ITM2B: variants seen among roughly 807,000 people sequenced by gnomAD.
ITM2B encodes the protein ABri/ADan amyloid peptide.
ITM2B carries 11 observed loss-of-function variants against 27.8 expected under a neutral mutation model. The ratio of observed to expected loss-of-function variants is 0.40; its 90% confidence interval spans 0.25 to 0.66. The LOEUF is 0.66. Ranked by LOEUF, ITM2B falls within the 30% of genes least tolerant of loss-of-function variation. The pLI, the probability that ITM2B is intolerant of heterozygous loss-of-function variation, is 0.43. For synonymous variants in ITM2B, 114 were observed against 114.3 expected, an observed-to-expected ratio of 1.00 and a Z score of 0.02; for missense variants, 296 against 328.9, an observed-to-expected ratio of 0.90 and a Z score of 0.77.
intron 1 of ITM2B, among the ~76,000 whole-genome samples, chr13:48,241,779 G>T (rs1434414547): frequency 6.6e-6 from 1 of 152,098 alleles, no homozygotes; most frequent in African/African-American, 2.4e-5. Flanking sequence ...GTTGTGATAT[G>T]GTGCTTAGCT....
chr13:48,268,308 T>TTA lies in ITM2B; in HGVS notation c.*7085_*7086insAT, dbSNP rs1310768464. The TTA allele has an allele frequency of 4.0e-5, 6 of 148,756 alleles. No individual in the cohort carries two copies. Among genetic ancestry groups the TTA allele is most frequent in the African/African-American group, 1.5e-4 (6 of 40,996 alleles). The allele number at this position is 148,756 out of a possible 1,614,324, so 9.2% of individuals were successfully genotyped here. On this transcript the variant is annotated 3_prime_UTR_variant, in exon 6 of 6. Coordinates refer to ENST00000647800, the MANE Select transcript of ITM2B (RefSeq NM_021999.5). ...TGTGCTTTTTAAATTTATTTTTTAT[T>TTA]TTTTTTTTTTTGAGACAGAGTCTGG...
At position 48,267,631 on chromosome 13, in the gene ITM2B, T is replaced by TG; in HGVS notation, c.*6407_*6408insG. ...AATGAGCCAGAAATGTTTCTTCAGCTTTTGTAAAGTGCTGTTAAAAGCATT... is the reference window on the plus strand; with the variant it reads ...AATGAGCCAGAAATGTTTCTTCAGCTGTTTGTAAAGTGCTGTTAAAAGCATT... On this transcript the variant is annotated 3_prime_UTR_variant, in exon 6 of 6. Coordinates refer to ENST00000647800, the MANE Select transcript of ITM2B (RefSeq NM_021999.5). 1 of 152,252 alleles carries TG rather than the reference T, an allele frequency of 6.6e-6. No individual in the cohort carries two copies. Among genetic ancestry groups the TG allele is most frequent in the East Asian group, 1.9e-4 (1 of 5,202 alleles). 9.4% of individuals were successfully genotyped at this position (152,252 alleles called of 1,614,324 possible).
intron 1 of ITM2B, among the ~76,000 whole-genome samples, chr13:48,248,133 A>G (rs1229392574): frequency 1.3e-5 from 2 of 152,126 alleles, no homozygotes; most frequent in Non-Finnish European, 2.9e-5. Flanking sequence ...CAAAATACAG[A>G]GAACCTGAAG....
chr13:48,237,315 A>G (rs1021975663), intron 1 of ITM2B, among the ~76,000 whole-genome samples: 6 of 152,198 alleles, frequency 3.9e-5, no homozygotes, highest in East Asian at 1.9e-4. Flanking sequence ...TTGGTTCTCC[A>G]TGAGGATATT....
chr13:48,242,462 T>G (rs1951705301), intron 1 of ITM2B, among the ~76,000 whole-genome samples: 1 of 152,110 alleles, frequency 6.6e-6, no homozygotes, highest in Non-Finnish European at 1.5e-5. Context: ...TATTCCAGAC[T>G]GGTTGCACTC....
chr13:48,245,963 AGAGATGGGTT>A (rs1261326560), intron 1 of ITM2B, among the ~76,000 whole-genome samples: 39 of 152,092 alleles, frequency 2.6e-4, no homozygotes, highest in Admixed American at 1.7e-3. Flanking sequence ...TATTTTTAGT[AGAGATGGGTT>A]TTCACCGTGT....
intron 1 of ITM2B, among the ~76,000 whole-genome samples, chr13:48,251,793 A>G (rs1240224550): frequency 1.3e-5 from 2 of 152,226 alleles, no homozygotes; most frequent in African/African-American, 4.8e-5. Flanking sequence ...CTTCCACTCT[A>G]AAATTAATTA....
intron 1 of ITM2B, among the ~76,000 whole-genome samples, chr13:48,249,703 T>TGAA (rs1047520023): frequency 6.6e-6 from 1 of 152,170 alleles, no homozygotes. Flanking sequence ...AAGGGTATGG[T>TGAA]GAAGTATTAA....
In ITM2B at chr13:48,267,092, C is replaced by T. The variant is rs947936156; in HGVS notation, c.*5868C>T. 2.0e-5 allele frequency: 3 copies of T among 152,062 alleles called. No homozygotes were observed. Among genetic ancestry groups the T allele is most frequent in the East Asian group, 1.9e-4 (1 of 5,198 alleles). 9.4% of individuals were successfully genotyped at this position (152,062 alleles called of 1,614,324 possible). A position where few individuals can be genotyped will look rare whatever the true frequency, so the allele number is the denominator to read the frequency against. ...CAGGATGCTAAATGTCTTAAAAGTC[C>T]GGGAGTCCTGCACAAAAAATTACTG... On this transcript the variant is annotated 3_prime_UTR_variant, in exon 6 of 6. Transcript: ENST00000647800.
chr13:48,258,085 G>C (rs773840530), intron 3 of ITM2B, 41 bp from the exon 4 acceptor site: 2 of 935,202 alleles, frequency 2.1e-6, no homozygotes, highest in African/African-American at 1.6e-5. Context: ...GCCTGTTTTT[G>C]CAAGTATTAC....
chr13:48,250,265 T>C (rs186514653), intron 1 of ITM2B, among the ~76,000 whole-genome samples: 1 of 152,322 alleles, frequency 6.6e-6, no homozygotes, highest in African/African-American at 2.4e-5. Context: ...ATTATCACGC[T>C]GGCTGCTGGT....
At chr13:48,236,926 A>G (rs1951671966) in intron 1 of ITM2B, among the ~76,000 whole-genome samples, 1 of 152,218 alleles carries the variant, frequency 6.6e-6, no homozygotes, top group Non-Finnish European at 1.5e-5. Context: ...AAGTGCTGAT[A>G]TAGGAGAGAA....
rs776617945 is a variant in ITM2B, at chr13:48,261,242, T to C, written c.*18T>C. The C allele has an allele frequency of 6.5e-7, 1 of 1,541,526 alleles. No individual in the cohort carries two copies. Among genetic ancestry groups the C allele is most frequent in the South Asian group, 1.1e-5 (1 of 89,284 alleles). On this transcript the variant is annotated 3_prime_UTR_variant, in exon 6 of 6. Transcript: ENST00000647800. ...GTTCTTGAACAGTCAAGAAAAACAT[T>C]ATTGAGGAAAATTAATATCACAGCA...
Position 48,245,841 on chromosome 13 carries a change from C to T in ITM2B, c.118-7967C>T, listed in dbSNP as rs371140941. Among the ~76,000 whole-genome samples, 5 of 150,948 alleles carry T rather than the reference C, an allele frequency of 3.3e-5. No homozygotes were observed. The East Asian group carries it at 5.9e-4, about 18-fold the overall frequency. On this transcript the variant is annotated intron_variant, in intron 1 of 5. Coordinates refer to ENST00000647800, the MANE Select transcript of ITM2B (RefSeq NM_021999.5). ...GCCCAGGCTGGAGTGCAGTGGCATG[C>T]AGTCTCTGCTCACTGCAAGCTCTGT...
intron 1 of ITM2B, among the ~76,000 whole-genome samples, chr13:48,236,684 G>A (rs7982192): frequency 6.6e-6 from 1 of 152,128 alleles, no homozygotes; most frequent in Non-Finnish European, 1.5e-5. Context: ...GATGGGTAGA[G>A]GTATTATGTA....
chr13:48,257,676 C>G (rs1040177064), intron 3 of ITM2B, among the ~76,000 whole-genome samples: 4 of 152,158 alleles, frequency 2.6e-5, no homozygotes, highest in African/African-American at 7.2e-5. Context: ...TCTTTCTCAA[C>G]CAGCGTTTCT....
chr13:48,246,258 C>T (rs1951724080), intron 1 of ITM2B, among the ~76,000 whole-genome samples: 1 of 152,176 alleles, frequency 6.6e-6, no homozygotes, highest in African/African-American at 2.4e-5. Flanking sequence ...AGAGTACTCA[C>T]AAATATAGAG....
intron 1 of ITM2B, among the ~76,000 whole-genome samples, chr13:48,246,728 G>A (rs1951726243): frequency 6.6e-6 from 1 of 152,186 alleles, no homozygotes; most frequent in African/African-American, 2.4e-5. Context: ...ATAGCTGGAA[G>A]TGAAGATCAG....
chr13:48,249,947 T>TA, intron 1 of ITM2B, among the ~76,000 whole-genome samples: 1 of 152,372 alleles, frequency 6.6e-6, no homozygotes, highest in African/African-American at 2.4e-5. Context: ...TTAATCACTC[T>TA]AAAAACACTT....
Sources: allele counts gnomAD v4.1 joint callset (sites outside exome capture counted in the v4.1 genomes callset), GRCh38; gene constraint gnomAD v4.1.1; transcripts MANE v1.5; gene names NCBI Gene and HGNC (gene_info 2026-07-23, HGNC 2026-07-21).